LCTL: variants seen among roughly 807,000 people sequenced by gnomAD.
LCTL encodes lactase like, also known as lactase-like protein.
In LCTL, 76 loss-of-function variants were observed where a neutral mutation model predicts 75.8. The observed-to-expected ratio is 1.00, with a 90% CI of 0.83 to 1.21. LCTL has a LOEUF of 1.21. Among genes scored for constraint, LCTL ranks in the 50% most tolerant of loss-of-function variants. The probability of loss-of-function intolerance (pLI) is 0.00; values close to 1 mark genes in which losing one functional copy is unlikely to be tolerated. For synonymous variants in LCTL, 271 were observed against 268.8 expected, an observed-to-expected ratio of 1.01 and a Z score of -0.08; for missense variants, 670 against 712.4, an observed-to-expected ratio of 0.94 and a Z score of 0.68.
chr15:66,559,150 C>A (rs1199321266), intron 6 of LCTL, among the ~76,000 whole-genome samples: 2 of 151,984 alleles, frequency 1.3e-5, no homozygotes, highest in Admixed American at 6.6e-5. Context: ...TCTCAAATAG[C>A]TGGGACAACA....
chr15:66,564,782 T>C, exon 2 of LCTL: 1 of 1,613,742 alleles, frequency 6.2e-7, no homozygotes, highest in Non-Finnish European at 8.5e-7. Flanking sequence ...CCCTTTCCCG[T>C]CCTGGTCCCA....
intron 8 of LCTL, 136 bp downstream of exon 9, chr15:66,557,585 AT>A (rs1895767628): frequency 1.2e-6 from 1 of 802,516 alleles, no homozygotes; most frequent in Non-Finnish European, 2.0e-6. Flanking sequence ...CTGGTTCTCA[AT>A]TCTTTTGAGT....
At position 66,563,862 on chromosome 15, in the gene LCTL, T is replaced by C. The variant is rs372172554; in HGVS notation, c.370+49A>G. 38 of 1,459,160 alleles carry C rather than the reference T, an allele frequency of 2.6e-5. No individual in the cohort carries two copies. In the African/African-American group the frequency reaches 5.0e-4, roughly 19 times the overall value. The allele number at this position is 1,459,160 out of a possible 1,614,324, so 90.4% of individuals were successfully genotyped here. A position where few individuals can be genotyped will look rare whatever the true frequency, so the allele number is the denominator to read the frequency against. On this transcript the variant is annotated intron_variant, in intron 3 of 12. Transcript: ENST00000341509. ...CTGTGGTGCCCCTGCAAAGCCAACA[T>C]TGCCGGAAGGGGCCTCACTTGGGTT...
intron 6 of LCTL, among the ~76,000 whole-genome samples, chr15:66,559,474 A>G (rs1439262645): frequency 1.3e-5 from 2 of 152,154 alleles, no homozygotes; most frequent in Non-Finnish European, 2.9e-5. Flanking sequence ...TTGGGAGGGC[A>G]AGGTGGGTAG....
chr15:66,553,038 A>G (rs371891001), exon 9 of LCTL: 1 of 1,572,382 alleles, frequency 6.4e-7, no homozygotes, highest in Non-Finnish European at 8.6e-7. Flanking sequence ...ATAGCCATTT[A>G]GACCCCAGAT....
chr15:66,559,217 T>C (rs1378628550), intron 6 of LCTL, among the ~76,000 whole-genome samples: 1 of 152,176 alleles, frequency 6.6e-6, no homozygotes, highest in Non-Finnish European at 1.5e-5. Context: ...TTGATGTGTG[T>C]TAAAATTTGA....
chr15:66,551,587 C>T, intron 11 of LCTL, 75 bp downstream of exon 12: 1 of 1,233,690 alleles, frequency 8.1e-7, no homozygotes, highest in Admixed American at 2.0e-5. Context: ...GAGAAACTTG[C>T]CAAGTTCTTT....
At chr15:66,548,571 C>T in exon 13 of LCTL, 1 of 1,612,696 alleles carries the variant, frequency 6.2e-7, no homozygotes, top group Non-Finnish European at 8.5e-7. Flanking sequence ...GTACCACGAT[C>T]TCCGTAACCA....
At position 66,548,453 on chromosome 15, in the gene LCTL, G is replaced by T. The variant is rs1346206515; in HGVS notation, c.*37C>A. 1.0e-5 allele frequency: 12 copies of T among 1,154,044 alleles called. No homozygotes were observed. In the East Asian group the frequency reaches 2.8e-4, roughly 27 times the overall value. 71.5% of individuals were successfully genotyped at this position (1,154,044 alleles called of 1,614,324 possible). A position where few individuals can be genotyped will look rare whatever the true frequency, so the allele number is the denominator to read the frequency against. ...GCAGAAAAGGGAGGAAGATCCTGAA[G>T]ATTCTCTTATGAAGCTCCAAAATTG... On this transcript the variant is annotated 3_prime_UTR_variant, in exon 13 of 13. Transcript: ENST00000341509.
Position 66,556,732 on chromosome 15 carries a change from A to T in LCTL, c.922+990T>A, listed in dbSNP as rs906226624. Among the ~76,000 whole-genome samples the T allele has an allele frequency of 2.0e-5, 3 of 152,190 alleles. No individual in the cohort carries two copies. The South Asian group carries it at 6.2e-4, about 32-fold the overall frequency. ...ACAAAGACAAATACTGTATGATTCC[A>T]CTTATATGAGCTACTTAGTCAAAAT... On this transcript the variant is annotated intron_variant, in intron 8 of 12. Coordinates refer to ENST00000341509, the Ensembl canonical transcript of LCTL.
At chr15:66,557,852 C>A (rs1381351621) in exon 8 of LCTL, 3 of 1,613,992 alleles carry the variant, frequency 1.9e-6, no homozygotes, top group Non-Finnish European at 1.7e-6. Flanking sequence ...CAGGTTCCCC[C>A]CAGTCACAGT....
chr15:66,553,090 T>C, exon 9 of LCTL: 4 of 1,610,516 alleles, frequency 2.5e-6, no homozygotes, highest in Non-Finnish European at 3.4e-6. Flanking sequence ...GTCACGATCG[T>C]TCTGGTAGCT....
chr15:66,564,848 G>A lies in LCTL; in HGVS notation c.119-9C>T, dbSNP rs773184855. On this transcript the variant is annotated splice_polypyrimidine_tract_variant and intron_variant, in intron 1 of 12. Transcript: ENST00000341509. Reference sequence around the variant, plus strand: ...CACGCCCCAGGAGAAGCCTGCAGGGGGAGACCCGTGCTGGGTCCCAGGTGC... The same window carrying A: ...CACGCCCCAGGAGAAGCCTGCAGGGAGAGACCCGTGCTGGGTCCCAGGTGC... 6.2e-7 allele frequency: 1 copy of A among 1,608,364 alleles called. No homozygotes were observed. The highest frequency in any genetic ancestry group is 2.2e-5 in the East Asian group (1 of 44,824).
chr15:66,561,360 C>A (rs763639428), intron 4 of LCTL, 45 bp from the exon 6 acceptor site: 3 of 1,611,834 alleles, frequency 1.9e-6, no homozygotes, highest in Non-Finnish European at 1.7e-6. Flanking sequence ...AACCGCAAAG[C>A]GGTTTAAATG....
At chr15:66,561,075 C>T (rs775622677) in exon 6 of LCTL, 16 of 1,614,060 alleles carry the variant, frequency 9.9e-6, no homozygotes, top group African/African-American at 1.3e-5. Flanking sequence ...CATGGTGGCC[C>T]GTCTCATAGC....
chr15:66,560,961 G>A, intron 6 of LCTL, 45 bp downstream of exon 7: 1 of 1,580,926 alleles, frequency 6.3e-7, no homozygotes, highest in Non-Finnish European at 8.7e-7. Context: ...GGGGCAGGCT[G>A]AGCTGACCCT....
At chr15:66,561,418 C>T (rs1306533160) in intron 4 of LCTL, 103 bp from the exon 6 acceptor site, 2 of 1,277,348 alleles carry the variant, frequency 1.6e-6, no homozygotes, top group African/African-American at 1.5e-5. Context: ...AGGGAGGCCG[C>T]ACAGGGAGAC....
chr15:66,558,881 A>G (rs992133252), intron 6 of LCTL, among the ~76,000 whole-genome samples: 12 of 151,600 alleles, frequency 7.9e-5, no homozygotes, highest in African/African-American at 2.9e-4. Context: ...CTTTTAGTAG[A>G]GATAGGGTTT....
intron 3 of LCTL, 47 bp downstream of exon 4, chr15:66,563,863 TG>T: frequency 6.8e-7 from 1 of 1,463,554 alleles, no homozygotes; most frequent in South Asian, 1.1e-5. Context: ...AAGCCAACAT[TG>T]CCGGAAGGGG....
Sources: gnomAD v4.1 joint callset for allele counts (sites outside exome capture counted in the v4.1 genomes callset) on GRCh38, gnomAD v4.1.1 for gene constraint, MANE v1.5 for transcripts, NCBI Gene and HGNC (gene_info 2026-07-23, HGNC 2026-07-21) for gene names.